The following CHODL variants were observed in gnomAD, a reference collection of about 807,000 sequenced individuals.
CHODL encodes transmembrane protein MT75.
CHODL carries 29 observed loss-of-function variants against 34.5 expected under a neutral mutation model. That is an observed-to-expected ratio of 0.84 (90% CI 0.63 to 1.15). The LOEUF (loss-of-function observed/expected upper bound fraction) is 1.15, where lower values mean the gene tolerates loss of function less well. Ranked by LOEUF, CHODL falls within the 50% of genes most tolerant of loss-of-function variation. The probability of loss-of-function intolerance (pLI) is 0.00; values close to 1 mark genes in which losing one functional copy is unlikely to be tolerated. For synonymous variants in CHODL, 125 were observed against 116.1 expected (o/e 1.08, Z -0.49); for missense variants, 332 against 332.5 (o/e 1.00, Z 0.01).
chr21:17,960,901 G>C (rs1453623143), intron 1 of CHODL, among the ~76,000 whole-genome samples: 1 of 152,056 alleles, frequency 6.6e-6, no homozygotes, highest in Non-Finnish European at 1.5e-5. Context: ...TATTTCTCAA[G>C]TTTGTACTCT....
In CHODL at chr21:17,973,712, G is replaced by A. The variant is rs527328157; in HGVS notation, c.-144-54160G>A. On this transcript the variant is annotated intron_variant, in intron 1 of 6. Transcript: ENST00000400127. ...TGGGATCATAGGCGTGAGCCACCGC[G>A]CCCAGACTGCTATGCATTCTCTAAG... 6.7e-5 allele frequency among the ~76,000 whole-genome samples: 10 copies of A among 150,134 alleles called. No individual in the cohort carries two copies. The East Asian group carries it at 7.9e-4, about 12-fold the overall frequency.
intron 1 of CHODL, among the ~76,000 whole-genome samples, chr21:17,973,712 G>C (rs527328157): frequency 6.7e-6 from 1 of 150,046 alleles, no homozygotes; most frequent in African/African-American, 2.4e-5. Flanking sequence ...GAGCCACCGC[G>C]CCCAGACTGC....
intron 1 of CHODL, among the ~76,000 whole-genome samples, chr21:17,988,395 C>T (rs197555): frequency 1 from 142,770 of 143,342 alleles, 71,099 homozygotes; most frequent in Non-Finnish European, 1. Context: ...CCCTTTTTTC[C>T]TTTTTTTTTA....
intron 2 of CHODL, among the ~76,000 whole-genome samples, chr21:18,069,993 C>CCTTCCCTTCCCTTCT: frequency 3.0e-5 from 2 of 66,222 alleles, no homozygotes; most frequent in Admixed American, 1.5e-4. Context: ...CTTTCCCTTC[C>CCTTCCCTTCCCTTCT]CTTCCCTTCC....
At chr21:18,027,282 A>T (rs1393106332) in intron 1 of CHODL, among the ~76,000 whole-genome samples, 1 of 152,160 alleles carries the variant, frequency 6.6e-6, no homozygotes, top group Non-Finnish European at 1.5e-5. Flanking sequence ...TCTAAAAAGC[A>T]ATCGTAACAA....
At chr21:18,030,328 A>G (rs1027843479) in intron 2 of CHODL, among the ~76,000 whole-genome samples, 7 of 152,162 alleles carry the variant, frequency 4.6e-5, no homozygotes, top group African/African-American at 1.7e-4. Context: ...AACGAGCAGC[A>G]TGGACCTGAG....
chr21:18,090,564 A>T (rs1279282972), intron 2 of CHODL, among the ~76,000 whole-genome samples: 1 of 152,156 alleles, frequency 6.6e-6, no homozygotes, highest in Non-Finnish European at 1.5e-5. Context: ...CATCCCTAAA[A>T]TAACAACAGT....
At chr21:18,028,422 C>T (rs1948912386) in intron 2 of CHODL, among the ~76,000 whole-genome samples, 1 of 151,532 alleles carries the variant, frequency 6.6e-6, no homozygotes, top group Admixed American at 6.6e-5. Flanking sequence ...TTTGGTTGGG[C>T]ACGGTGGCTC....
chr21:18,230,931 T>A (rs924996942), intron 2 of CHODL, among the ~76,000 whole-genome samples: 1 of 150,146 alleles, frequency 6.7e-6, no homozygotes, highest in African/African-American at 2.5e-5. Context: ...ATTTTATGAT[T>A]TTTTTTCTTT....
chr21:17,951,107 C>CGTGTGT (rs3073722), intron 1 of CHODL, among the ~76,000 whole-genome samples: 15,216 of 149,016 alleles, frequency 0.1, 922 homozygotes, highest in East Asian at 0.14. Context: ...TTACTCTATA[C>CGTGTGT]GTGTGTGTGT....
intron 1 of CHODL, among the ~76,000 whole-genome samples, chr21:18,008,649 G>T (rs563077992): frequency 6.6e-6 from 1 of 152,002 alleles, no homozygotes; most frequent in Admixed American, 6.6e-5. Context: ...TATCCTCTAG[G>T]TTTATCCATA....
At chr21:18,162,411 T>TTCTCTCTCTCTC (rs58978469) in intron 2 of CHODL, among the ~76,000 whole-genome samples, 46 of 147,914 alleles carry the variant, frequency 3.1e-4, no homozygotes, top group East Asian at 1.4e-3. Flanking sequence ...ACGTGGTGTT[T>TTCTCTCTCTCTC]TCTCTCTCTC....
chr21:18,164,617 T>C (rs1023025385), intron 2 of CHODL, among the ~76,000 whole-genome samples: 2 of 152,184 alleles, frequency 1.3e-5, no homozygotes, highest in Non-Finnish European at 1.5e-5. Flanking sequence ...CATCATAAGA[T>C]TTTTGTGAGG....
chr21:18,147,936 A>G (rs1409842188), intron 2 of CHODL, among the ~76,000 whole-genome samples: 1 of 152,194 alleles, frequency 6.6e-6, no homozygotes, highest in African/African-American at 2.4e-5. Flanking sequence ...GTTGCCAGTG[A>G]TTGGTTTAGG....
At chr21:18,009,252 G>T (rs368068739) in intron 1 of CHODL, among the ~76,000 whole-genome samples, 1 of 152,058 alleles carries the variant, frequency 6.6e-6, no homozygotes, top group South Asian at 2.1e-4. Flanking sequence ...AAATGTAGAA[G>T]TTGTATTATA....
At chr21:17,979,414 T>C (rs1052822031) in intron 1 of CHODL, among the ~76,000 whole-genome samples, 1 of 152,204 alleles carries the variant, frequency 6.6e-6, no homozygotes, top group African/African-American at 2.4e-5. Flanking sequence ...TTTTAAAAGC[T>C]TCCATTTGTG....
At chr21:17,962,529 G>C (rs1600836354) in intron 1 of CHODL, among the ~76,000 whole-genome samples, 3 of 152,226 alleles carry the variant, frequency 2.0e-5, no homozygotes, top group Admixed American at 2.0e-4. Context: ...GTGCTGTCTG[G>C]GGTAGGGTGG....
chr21:18,172,747 T>C (rs2073247360), intron 2 of CHODL, among the ~76,000 whole-genome samples: 1 of 152,206 alleles, frequency 6.6e-6, no homozygotes, highest in Non-Finnish European at 1.5e-5. Flanking sequence ...TATTTGGTTT[T>C]CTATGCTGTG....
At chr21:17,999,738 C>A (rs1427783936) in intron 1 of CHODL, among the ~76,000 whole-genome samples, 1 of 152,150 alleles carries the variant, frequency 6.6e-6, no homozygotes, top group Non-Finnish European at 1.5e-5. Context: ...CCCACTGGGT[C>A]CCTCCCACAA....
Sources: allele counts gnomAD v4.1 joint callset (sites outside exome capture counted in the v4.1 genomes callset), GRCh38; gene constraint gnomAD v4.1.1; transcripts MANE v1.5; gene names NCBI Gene and HGNC (gene_info 2026-07-23, HGNC 2026-07-21).